Variants in LAMA1 observed in about 807,000 individuals in gnomAD.
The protein encoded by LAMA1 is laminin subunit alpha 1, also known as laminin subunit alpha-1.
LAMA1 carries 219 observed loss-of-function variants against 348.7 expected under a neutral mutation model. The observed-to-expected ratio is 0.63, with a 90% CI of 0.56 to 0.70. LAMA1 has a LOEUF of 0.70. LAMA1 is among the 30% of genes least tolerant of loss of function. The probability of loss-of-function intolerance (pLI) is 0.00; values close to 1 mark genes in which losing one functional copy is unlikely to be tolerated. For missense variants in LAMA1, 3,744 were observed against 3,888.0 expected (o/e 0.96, Z 0.99); for synonymous variants, 1,487 against 1,491.0 (o/e 1.00, Z 0.06).
chr18:7,103,573 G>A (rs543537499), intron 1 of LAMA1, among the ~76,000 whole-genome samples: 90 of 151,990 alleles, frequency 5.9e-4, no homozygotes, highest in African/African-American at 9.7e-4. Flanking sequence ...TTGGGAGGCC[G>A]AGATAGATGG....
rs776426862 is a variant in LAMA1 at position 6,992,573 on chromosome 18, G to T, written c.5156C>A (p.Thr1719Asn). The change falls in exon 36 of 63, where the codon ACC becomes AAC. Residue 1719 changes from threonine to asparagine, a missense_variant. By Grantham distance (65) the Thr-to-Asn change is moderately conservative (BLOSUM62 0). Around this residue, in one of 3 missense-constraint regions of LAMA1, gnomAD observed 1,983 missense variants for 1,934.3 expected, o/e 1.03. Transcript: ENST00000389658. ...ATTAGAAACTTACTTGAGTTCAAGG[G>T]TGGCATTTTGGTGCAACTGTGTGAA... ...RDFTQLHQNA[T>N]LELKAAEDLL... 2 of 1,614,168 alleles carry T rather than the reference G, an allele frequency of 1.2e-6. No individual in the cohort carries two copies. Among genetic ancestry groups the T allele is most frequent in the Admixed American group, 3.3e-5 (2 of 60,030 alleles).
rs910283131 is a variant in LAMA1, at chr18:6,997,210, C to T, written c.4806+532G>A. ...TCCCAGGTAGCTGGGACTACAGGCA[C>T]GCGCCACCACATCCAGCTAATTTTT... On this transcript the variant is annotated intron_variant, in intron 33 of 62. Transcript: ENST00000389658. 1.8e-4 allele frequency among the ~76,000 whole-genome samples: 27 copies of T among 151,974 alleles called. 1 individual carries two copies. The highest frequency in any genetic ancestry group is 1.7e-3 in the Admixed American group (26 of 15,266).
chr18:7,028,455 G>A (rs7227276), intron 16 of LAMA1, among the ~76,000 whole-genome samples: 34,509 of 152,094 alleles, frequency 0.23, 4,274 homozygotes, highest in African/African-American at 0.31. Context: ...CTCACTTGAA[G>A]CCATGTAAGC....
At chr18:7,020,153 T>C (rs932792801) in intron 19 of LAMA1, among the ~76,000 whole-genome samples, 3 of 151,834 alleles carry the variant, frequency 2.0e-5, no homozygotes, top group Non-Finnish European at 4.4e-5. Context: ...AATATAAGAG[T>C]CCTTTAATAT....
chr18:7,010,491 A>ACAT (rs1381225809), intron 25 of LAMA1, 106 bp from the exon 26 acceptor site: 1 of 1,049,034 alleles, frequency 9.5e-7, no homozygotes, highest in Non-Finnish European at 1.4e-6. Flanking sequence ...TCTTAAAAAT[A>ACAT]CATCACATGG....
Position 6,964,682 on chromosome 18 carries a change from T to TA in LAMA1, c.7316dup (p.Leu2439PhefsTer31). ...TATACCTTACAACTCTTGACCTTGG[T>TA]AATCCACCCACATAAATCGGGTCCT... On this transcript the variant is annotated frameshift_variant, in exon 51 of 63. Transcript: ENST00000389658. LOFTEE classifies it high-confidence loss of function. 1 of 1,614,180 alleles carries TA rather than the reference T, an allele frequency of 6.2e-7. No homozygotes were observed.
In LAMA1 at chr18:6,942,214, G is replaced by T; in HGVS notation, c.9093C>A (p.Arg3031=). Residue 3031 remains arginine (R), a synonymous_variant, in exon 63 of 63, where the codon CGC becomes CGA. Transcript: ENST00000389658. ...YPAGVKQKCL[R]SQTSFRGCLR... Reference sequence around the variant, plus strand: ...AACACCCGCGGAACGAGGTCTGGCTGCGCAGGCATTTTTGCTTCACACCAG... The same window carrying T: ...AACACCCGCGGAACGAGGTCTGGCTTCGCAGGCATTTTTGCTTCACACCAG... 6.2e-7 allele frequency: 1 copy of T among 1,614,152 alleles called. No individual in the cohort carries two copies. The highest frequency in any genetic ancestry group is 8.5e-7 in the Non-Finnish European group (1 of 1,180,046).
chr18:7,014,093 G>A (rs759431167), intron 22 of LAMA1, 42 bp from the exon 23 acceptor site: 1 of 1,458,660 alleles, frequency 6.9e-7, no homozygotes, highest in Non-Finnish European at 9.6e-7. Context: ...AGGCAGATTT[G>A]ATGCTTCCAA....
intron 48 of LAMA1, among the ~76,000 whole-genome samples, chr18:6,969,195 G>A (rs2057647311): frequency 1.3e-5 from 2 of 152,022 alleles, no homozygotes; most frequent in South Asian, 4.2e-4. Flanking sequence ...AGAAGTGCAG[G>A]GGCTCAAGTG....
intron 51 of LAMA1, 114 bp downstream of exon 51, chr18:6,964,548 A>T: frequency 7.7e-7 from 1 of 1,291,138 alleles, no homozygotes; most frequent in Non-Finnish European, 1.1e-6. Flanking sequence ...AGAACTGGGA[A>T]AGAATAAATT....
chr18:7,010,116 C>G (rs1200024769), intron 26 of LAMA1, 84 bp downstream of exon 26: 2 of 1,518,340 alleles, frequency 1.3e-6, no homozygotes. Context: ...TGCTCATTCT[C>G]TTATTAATGG....
intron 3 of LAMA1, among the ~76,000 whole-genome samples, chr18:7,054,632 G>GTAACA (rs1357098769): frequency 1.3e-5 from 2 of 152,070 alleles, no homozygotes; most frequent in African/African-American, 4.8e-5. Context: ...CTCTAAACGT[G>GTAACA]TGTGTGTGTA....
intron 3 of LAMA1, among the ~76,000 whole-genome samples, chr18:7,059,849 C>T (rs980166111): frequency 2.0e-5 from 3 of 152,190 alleles, no homozygotes; most frequent in Non-Finnish European, 4.4e-5. Context: ...TTTAGATGAA[C>T]AGTTAAGTGC....
chr18:7,074,967 CAAAAAAAAAAAAAAAAAAAAAAAAAAA>C (rs773818069), intron 3 of LAMA1, among the ~76,000 whole-genome samples: 6 of 52,258 alleles, frequency 1.1e-4, no homozygotes, highest in Non-Finnish European at 1.7e-4. Flanking sequence ...TACATAGAGG[CAAAAAAAAAAAAAAAAAAAAAAAAAAA>C]AAAAAAAAAA....
intron 24 of LAMA1, among the ~76,000 whole-genome samples, chr18:7,011,711 T>C (rs990529960): frequency 3.3e-5 from 5 of 152,188 alleles, no homozygotes; most frequent in African/African-American, 1.2e-4. Flanking sequence ...TTCAATGATA[T>C]GCAGAAGACG....
At chr18:7,032,240 A>G (rs2057973423) in intron 15 of LAMA1, 64 bp from the exon 16 acceptor site, 1 of 1,021,610 alleles carries the variant, frequency 9.8e-7, no homozygotes, top group African/African-American at 1.6e-5. Context: ...CTCAGTTGCC[A>G]GAGTACAGAA....
chr18:6,977,007 A>G (rs2144038991), intron 44 of LAMA1, among the ~76,000 whole-genome samples: 1 of 152,328 alleles, frequency 6.6e-6, no homozygotes, highest in African/African-American at 2.4e-5. Context: ...AGGTTTTGGA[A>G]AAGACAGAGC....
intron 6 of LAMA1, 127 bp from the exon 7 acceptor site, chr18:7,044,966 C>T (rs1348306804): frequency 1.3e-6 from 1 of 774,700 alleles, no homozygotes; most frequent in African/African-American, 1.7e-5. Flanking sequence ...ATATGATTAT[C>T]ATCAAAGCAA....
intron 3 of LAMA1, among the ~76,000 whole-genome samples, chr18:7,064,651 C>T (rs1479457475): frequency 1.3e-5 from 2 of 152,184 alleles, no homozygotes; most frequent in East Asian, 3.9e-4. Flanking sequence ...CTGGCTCAGT[C>T]TATAAGACTG....
Sources: gnomAD v4.1 joint callset for allele counts (sites outside exome capture counted in the v4.1 genomes callset) on GRCh38, gnomAD v4.1.1 for gene constraint, gnomAD v4.1.1 regional missense constraint, MANE v1.5 for transcripts, NCBI Gene and HGNC (gene_info 2026-07-23, HGNC 2026-07-21) for gene names.